PEX14: variants seen among roughly 807,000 people sequenced by gnomAD.
PEX14 encodes the protein peroxisomal membrane protein PEX14.
A neutral mutation model predicts 49.5 loss-of-function variants in PEX14; 15 were observed. The ratio of observed to expected loss-of-function variants is 0.30; its 90% confidence interval spans 0.20 to 0.47. The LOEUF (loss-of-function observed/expected upper bound fraction) is 0.47. Among genes scored for constraint, PEX14 ranks in the 20% least tolerant of loss-of-function variants. The pLI is 1.00. For missense variants in PEX14, 398 were observed against 494.8 expected, an observed-to-expected ratio of 0.80 and a Z score of 1.86; for synonymous variants, 210 against 212.7, an observed-to-expected ratio of 0.99 and a Z score of 0.11.
intron 3 of PEX14, among the ~76,000 whole-genome samples, chr1:10,570,027 T>C (rs1430141962): frequency 6.6e-6 from 1 of 152,202 alleles, no homozygotes; most frequent in Non-Finnish European, 1.5e-5. Flanking sequence ...GGATGGTAGA[T>C]GTCCTGGCTT....
At chr1:10,578,924 T>C (rs1265653035) in intron 3 of PEX14, among the ~76,000 whole-genome samples, 1 of 152,056 alleles carries the variant, frequency 6.6e-6, no homozygotes. Context: ...ACCAGAGCCT[T>C]AATGACCTGC....
At position 10,629,799 on chromosome 1, in the gene PEX14, G is replaced by C; in HGVS notation, c.946G>C (p.Glu316Gln). The C allele has an allele frequency of 6.3e-7, 1 of 1,585,654 alleles. No individual in the cohort carries two copies. Among genetic ancestry groups the C allele is most frequent in the Non-Finnish European group, 8.6e-7 (1 of 1,160,854 alleles). ...KGQVRMEVQG[E>Q]EEKREDKEDE... The stretch of plus-strand genomic sequence containing the variant: ...CCAGGTGCGGATGGAGGTGCAAGGC[G>C]AGGAGGAGAAGAGGGAGGACAAGGA... The change falls in exon 9 of 9, where the codon GAG becomes CAG. Residue 316 changes from glutamate to glutamine, a missense_variant. Physicochemically the swap from Glu to Gln is conservative, Grantham distance 29. Coordinates refer to ENST00000356607, the MANE Select transcript of PEX14 (RefSeq NM_004565.3). This position sits in a 1 kb window ranked among gnomAD's most constrained non-coding sequence, Gnocchi z 8.5.
intron 3 of PEX14, among the ~76,000 whole-genome samples, chr1:10,570,541 C>T (rs1639941249): frequency 6.6e-6 from 1 of 152,090 alleles, no homozygotes; most frequent in African/African-American, 2.4e-5. Context: ...CCATGTTGGC[C>T]AGGATGGTCT....
chr1:10,536,603 G>C (rs1638813018), intron 3 of PEX14: 2 of 387,954 alleles, frequency 5.2e-6, no homozygotes. Flanking sequence ...TCTGGTTTTT[G>C]GTCTGCTCTG....
chr1:10,620,456 C>G (rs1029919233), intron 5 of PEX14, among the ~76,000 whole-genome samples: 1 of 151,966 alleles, frequency 6.6e-6, no homozygotes, highest in Non-Finnish European at 1.5e-5. Flanking sequence ...CTACTGCACT[C>G]CAGCCTCGGC....
chr1:10,528,259 T>C (rs1638549700), intron 2 of PEX14: 2 of 956,110 alleles, frequency 2.1e-6, no homozygotes, highest in African/African-American at 1.8e-5. Flanking sequence ...AGTTCAATAG[T>C]GCATGACTAG....
In PEX14 at chr1:10,622,943, G is replaced by A. The variant is rs953702440; in HGVS notation, c.385-76G>A. ...CCAGGGATGACAGGGAGAAAGTTGG[G>A]CGGCAGAATTTGAGAGATTGTTGGA... On this transcript the variant is annotated intron_variant, in intron 5 of 8. Transcript: ENST00000356607. 1.2e-5 allele frequency: 12 copies of A among 1,001,286 alleles called. No homozygotes were observed. The African/African-American group carries it at 1.4e-4, about 12-fold the overall frequency. 62.0% of individuals were successfully genotyped at this position (1,001,286 alleles called of 1,614,324 possible).
At chr1:10,594,760 G>T (rs1368014453) in intron 3 of PEX14, among the ~76,000 whole-genome samples, 3 of 152,152 alleles carry the variant, frequency 2.0e-5, no homozygotes, top group African/African-American at 7.2e-5. Context: ...GCAGAGAAAA[G>T]ACAGCCCTTC....
intron 3 of PEX14, among the ~76,000 whole-genome samples, chr1:10,569,878 T>A (rs1639920005): frequency 6.6e-6 from 1 of 152,206 alleles, no homozygotes; most frequent in Non-Finnish European, 1.5e-5. Context: ...GCTTTACCGC[T>A]TGTCTTTATT....
chr1:10,601,946 C>A (rs180946445), intron 4 of PEX14, among the ~76,000 whole-genome samples: 2 of 152,136 alleles, frequency 1.3e-5, no homozygotes, highest in African/African-American at 4.8e-5. Context: ...GGCTTAATAC[C>A]GAACAGGTCT....
chr1:10,484,609 G>A (rs1220189122), intron 1 of PEX14, among the ~76,000 whole-genome samples: 1 of 151,680 alleles, frequency 6.6e-6, no homozygotes, highest in Non-Finnish European at 1.5e-5. Context: ...AAATTTAGCC[G>A]CTTGGCACAG....
At chr1:10,616,332 A>C (rs1198310851) in intron 4 of PEX14, among the ~76,000 whole-genome samples, 1 of 152,172 alleles carries the variant, frequency 6.6e-6, no homozygotes, top group Non-Finnish European at 1.5e-5. Flanking sequence ...TGTGGTCATA[A>C]AACGCCAGGA....
intron 2 of PEX14, among the ~76,000 whole-genome samples, chr1:10,501,874 G>A (rs183088391): frequency 6.6e-6 from 1 of 152,274 alleles, no homozygotes; most frequent in East Asian, 1.9e-4. Context: ...TACCCCCACT[G>A]CACTCCAGCT....
Position 10,495,317 on chromosome 1 carries a change from C to A in PEX14, c.80C>A (p.Pro27Gln), listed in dbSNP as rs1161833863. The change falls in exon 2 of 9, where the codon CCG becomes CAG. Residue 27 changes from proline (P) to glutamine (Q), a missense_variant. Around this residue, in one of 3 missense-constraint regions of PEX14, gnomAD observed 56 missense variants for 40.8 expected, o/e 1.37. Transcript: ENST00000356607. The surrounding 1 kb of genome is among the most constrained non-coding windows in gnomAD (Gnocchi z 4.2). Reference protein sequence around the residue: ...PGSENVLPREPLIATAVKFLQ... With the variant: ...PGSENVLPREQLIATAVKFLQ... The stretch of plus-strand genomic sequence containing the variant: ...AGTGAAAATGTGCTGCCTCGAGAGC[C>A]GCTGGTAAGTACCCAAGATATGTGG... 6.2e-7 allele frequency: 1 copy of A among 1,612,830 alleles called. No homozygotes were observed. Among genetic ancestry groups the A allele is most frequent in the African/African-American group, 1.3e-5 (1 of 74,988 alleles).
intron 3 of PEX14, among the ~76,000 whole-genome samples, chr1:10,563,144 C>A (rs1268215340): frequency 6.7e-6 from 1 of 148,732 alleles, no homozygotes; most frequent in Non-Finnish European, 1.5e-5. Flanking sequence ...TCTCGAACTC[C>A]TGACCTTGCG....
In PEX14 at chr1:10,487,000, C is replaced by T. The variant is rs1465919527; in HGVS notation, c.37-8274C>T. ...TTGCACCCAGCCTGAGGCTCTGTCT[C>T]TTAAAAAAAAAAAATTATTTTTGAA... is the stretch of plus-strand genomic sequence containing the variant. On this transcript the variant is annotated intron_variant, in intron 1 of 8. Coordinates refer to ENST00000356607, the MANE Select transcript of PEX14 (RefSeq NM_004565.3). Among the ~76,000 whole-genome samples the T allele has an allele frequency of 2.6e-5, 4 of 151,312 alleles. No individual in the cohort carries two copies. The East Asian group carries it at 7.8e-4, about 29-fold the overall frequency.
intron 5 of PEX14, among the ~76,000 whole-genome samples, chr1:10,619,889 C>A (rs978543426): frequency 1.3e-5 from 2 of 151,592 alleles, no homozygotes; most frequent in African/African-American, 4.8e-5. Context: ...AGGATCCTGA[C>A]TTGATCACGA....
Position 10,629,996 on chromosome 1 carries a change from C to G in PEX14, c.*9C>G. 6.2e-7 allele frequency: 1 copy of G among 1,607,572 alleles called. No individual in the cohort carries two copies. The highest frequency in any genetic ancestry group is 1.1e-5 in the South Asian group (1 of 90,850). On this transcript the variant is annotated 3_prime_UTR_variant, in exon 9 of 9. Transcript: ENST00000356607. This position sits in a 1 kb window ranked among gnomAD's most constrained non-coding sequence, Gnocchi z 8.5. ...AGAGTGAGCGGGACTAGGGCTGCGC[C>G]TGCTGCCTCCAGCCCTGAGGATGGC...
intron 4 of PEX14, among the ~76,000 whole-genome samples, chr1:10,615,793 A>G (rs1395949764): frequency 6.6e-6 from 1 of 152,200 alleles, no homozygotes; most frequent in East Asian, 1.9e-4. Context: ...TGTAGAAAAC[A>G]AGATTGAGAG....
Sources: allele counts gnomAD v4.1 joint callset (sites outside exome capture counted in the v4.1 genomes callset), GRCh38; gene constraint gnomAD v4.1.1; regional missense constraint gnomAD v4.1.1; non-coding constraint Gnocchi (gnomAD v3.1); transcripts MANE v1.5; gene names NCBI Gene and HGNC (gene_info 2026-07-23, HGNC 2026-07-21).